The following ADCY1 variants were observed in gnomAD, a reference collection of about 807,000 sequenced individuals.
ADCY1 encodes adenylate cyclase type 1.
ADCY1 carries 28 observed loss-of-function variants against 105.4 expected under a neutral mutation model. That is an observed-to-expected ratio of 0.27 (90% CI 0.20 to 0.36). The LOEUF (loss-of-function observed/expected upper bound fraction) is 0.36, where lower values mean the gene tolerates loss of function less well. ADCY1 is among the 10% of genes least tolerant of loss of function. The probability of loss-of-function intolerance (pLI) is 1.00; values close to 1 mark genes in which losing one functional copy is unlikely to be tolerated. For synonymous variants in ADCY1, 655 were observed against 623.8 expected (o/e 1.05, Z -0.75); for missense variants, 977 against 1,434.2 (o/e 0.68, Z 5.15).
At chr7:45,657,670 GC>G in intron 5 of ADCY1, 56 bp from the exon 6 acceptor site, 2 of 1,555,060 alleles carry the variant, frequency 1.3e-6, no homozygotes, top group Non-Finnish European at 1.7e-6. Context: ...GACCAAGGTG[GC>G]CCCCTGGGAG....
rs1784523929 is a variant in ADCY1 at position 45,679,865 on chromosome 7, C to G, written c.1983+72C>G. ...GTATGTGAGTGGCCTGTATCCTGCA[C>G]CTGCATATCACCTGGTCCAGGTATG... On this transcript the variant is annotated intron_variant, in intron 11 of 19. Transcript: ENST00000297323. 18 of 1,531,674 alleles carry G rather than the reference C, an allele frequency of 1.2e-5. No individual in the cohort carries two copies. The South Asian group carries it at 2.0e-4, about 17-fold the overall frequency. 94.9% of individuals were successfully genotyped at this position (1,531,674 alleles called of 1,614,324 possible). A position where few individuals can be genotyped will look rare whatever the true frequency, so the allele number is the denominator to read the frequency against.
In ADCY1 at chr7:45,647,426, G is replaced by T. The variant is rs1016001732; in HGVS notation, c.1021-1244G>T. 6.6e-6 allele frequency among the ~76,000 whole-genome samples: 1 copy of T among 152,262 alleles called. No homozygotes were observed. The highest frequency in any genetic ancestry group is 1.5e-5 in the Non-Finnish European group (1 of 68,052). ...AACTCAGCATTCGACAGGACCTGCA[G>T]GGCCCCAGTCATTTGTAAGAAACCA... On this transcript the variant is annotated intron_variant, in intron 4 of 19. Coordinates refer to ENST00000297323, the MANE Select transcript of ADCY1 (RefSeq NM_021116.4). This position sits in a 1 kb window ranked among gnomAD's most constrained non-coding sequence, Gnocchi z 4.6.
chr7:45,711,981 A>ATATTC (rs1785261216), intron 19 of ADCY1, among the ~76,000 whole-genome samples: 1 of 121,084 alleles, frequency 8.3e-6, no homozygotes, highest in Non-Finnish European at 1.6e-5. Context: ...ATATTATATT[A>ATATTC]AATATATATT....
At chr7:45,657,908 A>AG in intron 6 of ADCY1, 23 bp downstream of exon 6, 5 of 237,422 alleles carry the variant, frequency 2.1e-5, no homozygotes, top group Admixed American at 1.5e-4. Context: ...TGGGGTGGGG[A>AG]GGGGAGGGAG....
At chr7:45,640,079 C>T (rs989669994) in intron 4 of ADCY1, among the ~76,000 whole-genome samples, 1 of 152,190 alleles carries the variant, frequency 6.6e-6, no homozygotes, top group Non-Finnish European at 1.5e-5. Context: ...TAAGAATCCT[C>T]CTACAGGCTG....
intron 14 of ADCY1, among the ~76,000 whole-genome samples, chr7:45,696,171 G>A (rs886961758): frequency 1.3e-5 from 2 of 149,550 alleles, no homozygotes; most frequent in African/African-American, 4.8e-5. Context: ...GGGCGCCGTG[G>A]CTCATGCCTG....
At chr7:45,704,717 C>T (rs1785075291) in intron 17 of ADCY1, 101 bp downstream of exon 17, 3 of 919,374 alleles carry the variant, frequency 3.3e-6, no homozygotes, top group East Asian at 2.4e-5. Flanking sequence ...TTTGTTTGCC[C>T]TCTGTGTTGG....
chr7:45,673,364 C>A (rs987694774), intron 8 of ADCY1, among the ~76,000 whole-genome samples: 1 of 152,076 alleles, frequency 6.6e-6, no homozygotes. Flanking sequence ...GGTGTTAATT[C>A]TTTAAACATT....
chr7:45,683,964 C>T (rs933801172), intron 11 of ADCY1, among the ~76,000 whole-genome samples: 1 of 152,212 alleles, frequency 6.6e-6, no homozygotes, highest in African/African-American at 2.4e-5. Flanking sequence ...CAGGTGGAAG[C>T]GGGGGAAGCA....
chr7:45,696,892 C>G (rs1327699432), intron 14 of ADCY1, among the ~76,000 whole-genome samples: 1 of 152,184 alleles, frequency 6.6e-6, no homozygotes, highest in Non-Finnish European at 1.5e-5. Flanking sequence ...GTGTGGAAGA[C>G]AGAATGCCAT....
At chr7:45,684,923 A>G in intron 11 of ADCY1, 56 bp from the exon 12 acceptor site, 1 of 1,492,082 alleles carries the variant, frequency 6.7e-7, no homozygotes. Flanking sequence ...TTAACTGTGC[A>G]CGTGAATCAC....
intron 14 of ADCY1, among the ~76,000 whole-genome samples, chr7:45,700,806 T>C (rs1163888214): frequency 1.3e-4 from 20 of 152,218 alleles, no homozygotes; most frequent in Admixed American, 1.3e-3. Context: ...TTCCAGGTTC[T>C]GTGGTTACTG....
At position 45,575,086 on chromosome 7, in the gene ADCY1, C is replaced by G. The variant is rs778441100; in HGVS notation, c.543C>G (p.Ser181Arg). ...CCTATGCCTTGCTGCCCGTGCGCAG[C>G]CTGCTGGCCATAGGCTTTGGGCTCG... ...FVSYALLPVRSLLAIGFGLVV... is the reference protein window; with the variant it reads ...FVSYALLPVRRLLAIGFGLVV... Residue 181 changes from serine to arginine, a missense_variant, in exon 1 of 20, where the codon AGC becomes AGG. By Grantham distance (110) the Ser-to-Arg change is moderately radical. Around this residue, in one of 7 missense-constraint regions of ADCY1, gnomAD observed 196 missense variants for 347.8 expected, o/e 0.56. Coordinates refer to ENST00000297323, the MANE Select transcript of ADCY1 (RefSeq NM_021116.4). The surrounding 1 kb of genome is among the most constrained non-coding windows in gnomAD (Gnocchi z 4.7). 3 of 1,612,834 alleles carry G rather than the reference C, an allele frequency of 1.9e-6. No homozygotes were observed. In the South Asian group the frequency reaches 3.3e-5, roughly 18 times the overall value.
Position 45,717,716 on chromosome 7 carries a change from A to C in ADCY1, c.*3721A>C, listed in dbSNP as rs1196800286. On this transcript the variant is annotated 3_prime_UTR_variant, in exon 20 of 20. Transcript: ENST00000297323. ...TAGAACACAGCCCCGGAATGCTTCC[A>C]GTTGCTTGCAAGGGACCATGCCGGC... 2 of 152,294 alleles carry C rather than the reference A, an allele frequency of 1.3e-5. No individual in the cohort carries two copies. 9.4% of individuals were successfully genotyped at this position (152,294 alleles called of 1,614,324 possible).
intron 2 of ADCY1, among the ~76,000 whole-genome samples, chr7:45,601,486 G>T (rs940440455): frequency 2.1e-4 from 32 of 152,114 alleles, no homozygotes; most frequent in African/African-American, 7.5e-4. Flanking sequence ...CCTGGAAGGA[G>T]ACTCCTTTTC....
intron 11 of ADCY1, 69 bp from the exon 12 acceptor site, chr7:45,684,910 G>A: frequency 3.6e-6 from 5 of 1,382,142 alleles, no homozygotes; most frequent in East Asian, 4.6e-5. Context: ...ACTATAGGAA[G>A]TATTAACTGT....
chr7:45,711,640 T>TATATATACAC (rs1785235252), intron 19 of ADCY1, among the ~76,000 whole-genome samples: 1 of 20,766 alleles, frequency 4.8e-5, no homozygotes, highest in African/African-American at 1.1e-4. Flanking sequence ...TATATATATA[T>TATATATACAC]ATATACACAC....
At chr7:45,638,389 A>G (rs1468758359) in intron 4 of ADCY1, among the ~76,000 whole-genome samples, 3 of 151,460 alleles carry the variant, frequency 2.0e-5, no homozygotes, top group Admixed American at 6.6e-5. Context: ...CAGACACTCT[A>G]GTTTTCATCT....
chr7:45,639,471 GACTGTGGGGCAGCATGGAGGGGTTC>G (rs1224468546), intron 4 of ADCY1, among the ~76,000 whole-genome samples: 1 of 152,164 alleles, frequency 6.6e-6, no homozygotes, highest in Admixed American at 6.5e-5. Context: ...ATTTCCAGAA[GACTGTGGGGCAGCATGGAGGGGTTC>G]ACTGTGTGCC....
Sources: gnomAD v4.1 joint callset for allele counts (sites outside exome capture counted in the v4.1 genomes callset) on GRCh38, gnomAD v4.1.1 for gene constraint, gnomAD v4.1.1 regional missense constraint, Gnocchi (gnomAD v3.1) non-coding constraint, MANE v1.5 for transcripts, NCBI Gene and HGNC (gene_info 2026-07-23, HGNC 2026-07-21) for gene names.